Variants in TOGARAM1 observed in about 807,000 individuals in gnomAD.
TOGARAM1 encodes TOG array regulator of axonemal microtubules protein 1.
A neutral mutation model predicts 166.6 loss-of-function variants in TOGARAM1; 100 were observed. The ratio of observed to expected loss-of-function variants is 0.60; its 90% CI spans 0.51 to 0.71. The LOEUF is 0.71. Among genes scored for constraint, TOGARAM1 ranks in the 30% least tolerant of loss-of-function variants. The probability of loss-of-function intolerance (pLI) is 0.00; values close to 1 mark genes in which losing one functional copy is unlikely to be tolerated. For missense variants in TOGARAM1, 2,029 were observed against 2,102.7 expected (o/e 0.96, Z 0.69); for synonymous variants, 758 against 763.8 (o/e 0.99, Z 0.13).
chr14:44,996,153 G>A (rs994372076), intron 2 of TOGARAM1: 4 of 228,834 alleles, frequency 1.7e-5, no homozygotes, highest in African/African-American at 6.8e-5. Flanking sequence ...ATTTATTAAG[G>A]TGCTTTTCTA....
intron 14 of TOGARAM1, among the ~76,000 whole-genome samples, chr14:45,050,515 A>G (rs1052330877): frequency 6.6e-6 from 1 of 152,068 alleles, no homozygotes; most frequent in African/African-American, 2.4e-5. Context: ...GTCCTCTCAA[A>G]GTGCTGGGAT....
chr14:45,052,527 T>C lies in TOGARAM1; in HGVS notation c.4405T>C (p.Tyr1469His), dbSNP rs190777291. The part of the protein sequence containing the change: ...EKYVPSKDLP[Y>H]IKDSVRNLQQ... ...GTATGTCCCATCTAAAGATTTGCCATATATTAAGGACTCTGTTAGAAACTT... is the reference window on the plus strand; with the variant it reads ...GTATGTCCCATCTAAAGATTTGCCACATATTAAGGACTCTGTTAGAAACTT... Residue 1469 changes from tyrosine to histidine, a missense_variant, in exon 15 of 20, where the codon TAT (tyrosine) becomes CAT (histidine). Transcript: ENST00000361462. 5.2e-4 allele frequency: 834 copies of C among 1,611,798 alleles called. 7 individuals are homozygous for C. Among genetic ancestry groups the C allele is most frequent in the South Asian group, 2.6e-3 (232 of 90,768 alleles).
Position 45,019,108 on chromosome 14 carries a change from A to G in TOGARAM1, c.3239-6675A>G, listed in dbSNP as rs536133931. Among the ~76,000 whole-genome samples the G allele has an allele frequency of 1.2e-4, 19 of 152,320 alleles. 3 individuals carry two copies. The highest frequency in any genetic ancestry group is 3.8e-4 in the African/African-American group (16 of 41,580). The stretch of plus-strand genomic sequence containing the variant: ...TCCTATACCCATTTCTCTTCCTTTG[A>G]TGTCCATTTTTATTGGTAGCATTAC... On this transcript the variant is annotated intron_variant, in intron 7 of 19. Transcript: ENST00000361462.
intron 14 of TOGARAM1, among the ~76,000 whole-genome samples, chr14:45,048,280 C>G (rs1882182576): frequency 1.5e-5 from 2 of 129,332 alleles, no homozygotes; most frequent in East Asian, 2.3e-4. Context: ...TCAGCCACTG[C>G]ACTCCAGCCT....
At chr14:44,964,595 C>A in intron 1 of TOGARAM1, 128 bp downstream of exon 1, 1 of 1,075,516 alleles carries the variant, frequency 9.3e-7, no homozygotes, top group Non-Finnish European at 1.3e-6. Context: ...ATTTTAAATC[C>A]ATCTGAATGT....
chr14:44,969,108 TCTTTC>T (rs1261715175), intron 1 of TOGARAM1, among the ~76,000 whole-genome samples: 2 of 140,804 alleles, frequency 1.4e-5, no homozygotes, highest in Non-Finnish European at 3.0e-5. Context: ...TTTCTTTCTT[TCTTTC>T]CTTCCTTCCT....
chr14:45,033,719 G>A (rs1881285551), intron 11 of TOGARAM1, among the ~76,000 whole-genome samples: 1 of 152,042 alleles, frequency 6.6e-6, no homozygotes, highest in Non-Finnish European at 1.5e-5. Flanking sequence ...GCCTAACTTG[G>A]CCCTTTTACT....
intron 16 of TOGARAM1, among the ~76,000 whole-genome samples, chr14:45,059,938 A>C (rs1478634775): frequency 7.0e-6 from 1 of 143,636 alleles, no homozygotes. Flanking sequence ...TTTGAGATGG[A>C]GTCTCGCTCT....
At chr14:44,998,147 A>C (rs548800595) in intron 2 of TOGARAM1, among the ~76,000 whole-genome samples, 2 of 152,364 alleles carry the variant, frequency 1.3e-5, no homozygotes, top group East Asian at 3.9e-4. Context: ...TAATGACTGC[A>C]TAGTTTATTT....
Position 45,015,592 on chromosome 14 carries a change from T to A in TOGARAM1, c.3238+3517T>A, listed in dbSNP as rs865839462. On this transcript the variant is annotated intron_variant, in intron 7 of 19. Coordinates refer to ENST00000361462, the MANE Select transcript of TOGARAM1 (RefSeq NM_001308120.2). ...TTAGGGTTTTGCTTTTTTTTTTTTT[T>A]AAATTACGGATATAATAACATTTGG... Among the ~76,000 whole-genome samples the A allele has an allele frequency of 1.8e-3, 267 of 151,460 alleles. 1 individual carries two copies. The highest frequency in any genetic ancestry group is 4.1e-3 in the Admixed American group (63 of 15,230).
chr14:44,981,991 C>T (rs144063734), intron 1 of TOGARAM1, among the ~76,000 whole-genome samples: 80 of 151,924 alleles, frequency 5.3e-4, no homozygotes, highest in Admixed American at 4.9e-3. Context: ...TACAGGGGCA[C>T]GCCACCACGC....
chr14:44,982,295 C>A (rs1020106114), intron 1 of TOGARAM1, among the ~76,000 whole-genome samples: 5 of 151,946 alleles, frequency 3.3e-5, no homozygotes, highest in African/African-American at 1.2e-4. Flanking sequence ...TTAGTGGATT[C>A]TTTTTGTGCT....
chr14:44,997,979 G>A (rs180852628), intron 2 of TOGARAM1, among the ~76,000 whole-genome samples: 76 of 152,168 alleles, frequency 5.0e-4, no homozygotes, highest in African/African-American at 1.8e-3. Context: ...CTATGTTATA[G>A]ATTTAAAAAT....
chr14:45,023,728 C>A (rs1880661234), intron 7 of TOGARAM1, among the ~76,000 whole-genome samples: 1 of 152,050 alleles, frequency 6.6e-6, no homozygotes, highest in Non-Finnish European at 1.5e-5. Flanking sequence ...GAACAGAGTT[C>A]CTACTCCATG....
At chr14:45,052,742 A>G (rs1332428462) in intron 15 of TOGARAM1, among the ~76,000 whole-genome samples, 180 bp downstream of exon 15, 4 of 152,230 alleles carry the variant, frequency 2.6e-5, no homozygotes, top group Non-Finnish European at 5.9e-5. Flanking sequence ...CATATTGTCA[A>G]GCCTTGGAAG....
At chr14:45,039,720 TG>T (rs1445983852) in intron 11 of TOGARAM1, among the ~76,000 whole-genome samples, 1 of 152,180 alleles carries the variant, frequency 6.6e-6, no homozygotes, top group Non-Finnish European at 1.5e-5. Context: ...CTTCTGAGCC[TG>T]TGGGGGGCAG....
At position 45,011,814 on chromosome 14, in the gene TOGARAM1, T is replaced by A. The variant is rs200605981; in HGVS notation, c.3138-161T>A. On this transcript the variant is annotated intron_variant, in intron 6 of 19. Transcript: ENST00000361462. ...GTGTGTGTGTGTGTGTGTGTGTGTA[T>A]ACACACACACTGTTAGCCATAGTTT... The A allele has an allele frequency of 1.5e-5, 8 of 538,702 alleles. No homozygotes were observed. The South Asian group carries it at 1.8e-4, about 12-fold the overall frequency. The allele number at this position is 538,702 out of a possible 1,614,324, so 33.4% of individuals were successfully genotyped here.
At chr14:45,014,725 ACTT>A (rs1414342601) in intron 7 of TOGARAM1, among the ~76,000 whole-genome samples, 5 of 152,220 alleles carry the variant, frequency 3.3e-5, no homozygotes, top group Non-Finnish European at 7.3e-5. Context: ...ATTACAGTAA[ACTT>A]CTTCTAGTAT....
At chr14:45,040,475 A>G (rs1323485311) in intron 11 of TOGARAM1, among the ~76,000 whole-genome samples, 2 of 151,844 alleles carry the variant, frequency 1.3e-5, no homozygotes, top group Non-Finnish European at 2.9e-5. Context: ...TGCAGTGGAA[A>G]ACAATAGAGA....
Sources: gnomAD v4.1 joint callset for allele counts (sites outside exome capture counted in the v4.1 genomes callset) on GRCh38, gnomAD v4.1.1 for gene constraint, MANE v1.5 for transcripts, NCBI Gene and HGNC (gene_info 2026-07-23, HGNC 2026-07-21) for gene names.